CTH: variants seen among roughly 807,000 people sequenced by gnomAD.
CTH encodes cystathionine gamma-lyase.
Under a neutral mutation model 50.6 loss-of-function variants are expected in CTH, and 41 were observed. The observed-to-expected ratio is 0.81, with a 90% confidence interval of 0.63 to 1.05. CTH has a LOEUF of 1.05. Among genes scored for constraint, CTH ranks in the 50% least tolerant of loss-of-function variants. CTH has a pLI of 0.00. For synonymous variants in CTH, 156 were observed against 168.9 expected (o/e 0.92, Z 0.59); for missense variants, 470 against 492.6 (o/e 0.95, Z 0.43).
chr1:70,426,703 G>T (rs966286290), intron 5 of CTH, among the ~76,000 whole-genome samples: 1 of 152,148 alleles, frequency 6.6e-6, no homozygotes, highest in Non-Finnish European at 1.5e-5. Context: ...CTGTTTCCCA[G>T]TGAAAAATCT....
At chr1:70,416,361 G>T (rs1335388657) in intron 2 of CTH, among the ~76,000 whole-genome samples, 1 of 151,920 alleles carries the variant, frequency 6.6e-6, no homozygotes, top group Admixed American at 6.6e-5. Flanking sequence ...TAAATAAATG[G>T]AAATTAAATT....
At chr1:70,434,067 C>T in intron 9 of CTH, 118 bp downstream of exon 9, 1 of 1,520,740 alleles carries the variant, frequency 6.6e-7, no homozygotes, top group Non-Finnish European at 8.8e-7. Context: ...ACTCATAAAC[C>T]TCTTTATCAT....
rs544453684 is a variant in CTH, at chr1:70,421,813, T to C, written c.456+138T>C. 4.3e-5 allele frequency: 36 copies of C among 845,584 alleles called. No individual in the cohort carries two copies. The African/African-American group carries it at 5.2e-4, about 12-fold the overall frequency. The allele number at this position is 845,584 out of a possible 1,614,324, so 52.4% of individuals were successfully genotyped here. On this transcript the variant is annotated intron_variant, in intron 4 of 11. Coordinates refer to ENST00000370938, the MANE Select transcript of CTH (RefSeq NM_001902.6). ...ATTGGAAACATCAACAAAATTAAGA[T>C]AGACTGTCATCTCCGGGGTGTTATA... is the stretch of plus-strand genomic sequence containing the variant.
At chr1:70,415,843 C>G (rs996743148) in intron 1 of CTH, 113 bp from the exon 2 acceptor site, 1 of 722,558 alleles carries the variant, frequency 1.4e-6, no homozygotes, top group Non-Finnish European at 2.6e-6. Flanking sequence ...CAAGACATAT[C>G]ATGACTAAAG....
At chr1:70,418,524 A>G (rs1684144688) in intron 3 of CTH, among the ~76,000 whole-genome samples, 1 of 152,190 alleles carries the variant, frequency 6.6e-6, no homozygotes. Flanking sequence ...TTTTGGAATT[A>G]CGGGCGCGAG....
chr1:70,415,881 A>G (rs1023941586), intron 1 of CTH, 75 bp from the exon 2 acceptor site: 1 of 829,130 alleles, frequency 1.2e-6, no homozygotes, highest in Non-Finnish European at 2.1e-6. Context: ...GTAGGGTGAA[A>G]CTATAGTTCT....
In CTH at chr1:70,417,892, A is replaced by G. The variant is rs754708845; in HGVS notation, c.251-45A>G. 4.4e-6 allele frequency: 7 copies of G among 1,606,596 alleles called. No homozygotes were observed. In the East Asian group the frequency reaches 6.7e-5, roughly 15 times the overall value. ...AATACTTGGAGGTGTGTTGTAACCT[A>G]TAGGCCTGACTTTTCAGCTTACTCT... On this transcript the variant is annotated intron_variant, in intron 2 of 11. Transcript: ENST00000370938.
intron 5 of CTH, among the ~76,000 whole-genome samples, chr1:70,428,993 C>G (rs953831303): frequency 1.3e-5 from 2 of 152,056 alleles, no homozygotes; most frequent in African/African-American, 4.8e-5. Context: ...TGATCATGGT[C>G]CACTGCAGCC....
intron 5 of CTH, among the ~76,000 whole-genome samples, chr1:70,427,976 G>T (rs1684384557): frequency 1.3e-5 from 2 of 152,168 alleles, no homozygotes; most frequent in Non-Finnish European, 2.9e-5. Context: ...GCCTCCCAAA[G>T]TGCTGGGATT....
rs1302390545 is a variant in CTH, at chr1:70,429,862, T to C, written c.646+11T>C. On this transcript the variant is annotated intron_variant, in intron 6 of 11. Coordinates refer to ENST00000370938, the MANE Select transcript of CTH (RefSeq NM_001902.6). Reference sequence around the variant, plus strand: ...CAAAATACATGAATGGTAAGATGCATACTTTGAATGTTCTTTTTCATGGAT... The same window carrying C: ...CAAAATACATGAATGGTAAGATGCACACTTTGAATGTTCTTTTTCATGGAT... 6 of 1,596,276 alleles carry C rather than the reference T, an allele frequency of 3.8e-6. No individual in the cohort carries two copies. Among genetic ancestry groups the C allele is most frequent in the Non-Finnish European group, 5.2e-6 (6 of 1,164,016 alleles).
intron 10 of CTH, 51 bp from the exon 11 acceptor site, chr1:70,438,637 C>T (rs781631349): frequency 6.2e-7 from 1 of 1,602,284 alleles, no homozygotes; most frequent in East Asian, 2.2e-5. Flanking sequence ...CAGAAACATG[C>T]CTCCACTGAC....
intron 6 of CTH, among the ~76,000 whole-genome samples, chr1:70,430,074 T>C (rs1293167160): frequency 6.6e-6 from 1 of 152,238 alleles, no homozygotes; most frequent in Non-Finnish European, 1.5e-5. Flanking sequence ...TAAAAAGTTA[T>C]GCTTTTATCT....
chr1:70,432,564 T>G (rs1684500406), intron 8 of CTH, among the ~76,000 whole-genome samples: 1 of 152,228 alleles, frequency 6.6e-6, no homozygotes, highest in Non-Finnish European at 1.5e-5. Context: ...TCAGTTGATT[T>G]GCTTATAATC....
chr1:70,432,021 G>A, intron 7 of CTH, 62 bp from the exon 8 acceptor site: 2 of 1,574,264 alleles, frequency 1.3e-6, no homozygotes, highest in Non-Finnish European at 1.7e-6. Context: ...GAAAAGAGAA[G>A]CCAGATAATT....
chr1:70,434,899 C>T (rs35242276), intron 9 of CTH: 22 of 365,912 alleles, frequency 6.0e-5, no homozygotes, highest in East Asian at 3.5e-4. Context: ...ATTACAGGTG[C>T]GTGCCACCAT....
chr1:70,417,900 G>T, intron 2 of CTH, 37 bp from the exon 3 acceptor site: 1 of 1,612,468 alleles, frequency 6.2e-7, no homozygotes, highest in South Asian at 1.1e-5. Context: ...CTATAGGCCT[G>T]ACTTTTCAGC....
At chr1:70,417,834 T>A in intron 2 of CTH, 103 bp from the exon 3 acceptor site, 1 of 1,262,858 alleles carries the variant, frequency 7.9e-7, no homozygotes, top group Non-Finnish European at 1.1e-6. Context: ...TCAGCAGTGA[T>A]GGCTTCCTAT....
rs144220228 is a variant in CTH, at chr1:70,436,011, A to G, written c.1052+834A>G. On this transcript the variant is annotated intron_variant, in intron 10 of 11. Coordinates refer to ENST00000370938, the MANE Select transcript of CTH (RefSeq NM_001902.6). ...CTTCCATTTTTTAACACATAAAATG[A>G]GATTAATAATTAATGATTTTCGGCC... 5.3e-5 allele frequency among the ~76,000 whole-genome samples: 8 copies of G among 152,286 alleles called. 1 individual carries two copies. In the East Asian group the frequency reaches 1.2e-3, roughly 22 times the overall value.
chr1:70,412,595 C>T (rs1021575333), intron 1 of CTH, among the ~76,000 whole-genome samples: 3 of 152,092 alleles, frequency 2.0e-5, no homozygotes, highest in African/African-American at 7.2e-5. Context: ...AGTGAAACTC[C>T]AACTCAAACA....
Sources: allele counts gnomAD v4.1 joint callset (sites outside exome capture counted in the v4.1 genomes callset), GRCh38; gene constraint gnomAD v4.1.1; transcripts MANE v1.5; gene names NCBI Gene and HGNC (gene_info 2026-07-23, HGNC 2026-07-21).